Variants in PRTG observed in about 807,000 individuals in gnomAD.
The protein encoded by PRTG is immunoglobulin superfamily, DCC subclass, member 5.
Under a neutral mutation model 122.5 loss-of-function variants are expected in PRTG, and 67 were observed. The observed-to-expected ratio is 0.55, with a 90% CI of 0.45 to 0.67. The LOEUF (loss-of-function observed/expected upper bound fraction) is 0.67. Among genes scored for constraint, PRTG ranks in the 30% least tolerant of loss-of-function variants. The pLI, the probability that PRTG is intolerant of heterozygous loss-of-function variation, is 0.00. For missense variants in PRTG, 1,435 were observed against 1,415.4 expected (o/e 1.01, Z -0.22); for synonymous variants, 554 against 501.1 (o/e 1.11, Z -1.41).
intron 2 of PRTG, among the ~76,000 whole-genome samples, chr15:55,717,366 G>C (rs2030637784): frequency 6.6e-6 from 1 of 152,184 alleles, no homozygotes; most frequent in Non-Finnish European, 1.5e-5. Context: ...GCCTCAGGAA[G>C]AAAAGGCTTT....
intron 1 of PRTG, chr15:55,742,440 G>A (rs1358554576): frequency 1.6e-5 from 3 of 189,694 alleles, no homozygotes; most frequent in African/African-American, 2.3e-5. Context: ...ATAAAGCCAC[G>A]TGCAGCCGCG....
At chr15:55,721,120 T>C (rs2030806811) in intron 2 of PRTG, among the ~76,000 whole-genome samples, 1 of 152,210 alleles carries the variant, frequency 6.6e-6, no homozygotes, top group Admixed American at 6.5e-5. Context: ...CCTGAACTTT[T>C]CCCTCTCCCT....
At position 55,727,489 on chromosome 15, in the gene PRTG, T is replaced by C. The variant is rs895335572; in HGVS notation, c.397+12893A>G. 3.3e-5 allele frequency among the ~76,000 whole-genome samples: 5 copies of C among 151,992 alleles called. No homozygotes were observed. In the East Asian group the frequency reaches 5.8e-4, roughly 18 times the overall value. On this transcript the variant is annotated intron_variant, in intron 2 of 19. Transcript: ENST00000389286. ...AACAGGCTTATAACAAGTGAAAAGA[T>C]TGAATAAAAAATCTCCCAACAATAG...
intron 3 of PRTG, 117 bp from the exon 4 acceptor site, chr15:55,682,614 G>T (rs1213823614): frequency 1.8e-5 from 7 of 389,804 alleles, no homozygotes; most frequent in African/African-American, 4.4e-5. Context: ...GCCCCGGCTG[G>T]AGTGCAATGG....
At position 55,740,565 on chromosome 15, in the gene PRTG, A is replaced by G; in HGVS notation, c.214T>C (p.Trp72Arg). The change falls in exon 2 of 20, where the codon TGG becomes CGG. Residue 72 changes from tryptophan (W) to arginine (R), a missense_variant. Trp to Arg is a moderately radical substitution (Grantham distance 101). Coordinates refer to ENST00000389286, the MANE Select transcript of PRTG (RefSeq NM_173814.6). ...AHGEVPIKVTWLKNGAKMSEN... is the reference protein window; with the variant it reads ...AHGEVPIKVTRLKNGAKMSEN... Reference sequence around the variant, plus strand: ...GACATTTTTGCTCCATTTTTCAACCATGTGACCTTAATAGGAACTTCTCCG... The same window carrying G: ...GACATTTTTGCTCCATTTTTCAACCGTGTGACCTTAATAGGAACTTCTCCG... 1 of 1,598,494 alleles carries G rather than the reference A, an allele frequency of 6.3e-7. No individual in the cohort carries two copies. The highest frequency in any genetic ancestry group is 8.5e-7 in the Non-Finnish European group (1 of 1,171,610).
In PRTG at chr15:55,743,136, C is replaced by A; in HGVS notation, c.-205G>T. The A allele has an allele frequency of 8.0e-7, 1 of 1,253,270 alleles. No homozygotes were observed. The highest frequency in any genetic ancestry group is 3.1e-5 in the South Asian group (1 of 32,252). The allele number at this position is 1,253,270 out of a possible 1,614,324, so 77.6% of individuals were successfully genotyped here. ...CGCGAGAAGCAAGGGGCCTGAGAGT[C>A]CGGCTGGGGGCGGAGTGAGGCGGCG... On this transcript the variant is annotated 5_prime_UTR_variant, in exon 1 of 20. Transcript: ENST00000389286.
chr15:55,707,684 T>C (rs1427804082), intron 2 of PRTG, among the ~76,000 whole-genome samples: 1 of 152,202 alleles, frequency 6.6e-6, no homozygotes, highest in African/African-American at 2.4e-5. Flanking sequence ...TCATATTTCA[T>C]CGGCTGTCAA....
chr15:55,646,349 G>A (rs541412632), intron 11 of PRTG, among the ~76,000 whole-genome samples: 270 of 144,856 alleles, frequency 1.9e-3, no homozygotes, highest in African/African-American at 6.6e-3. Flanking sequence ...TTAGGACGGA[G>A]TCTTGCTCTG....
intron 15 of PRTG, among the ~76,000 whole-genome samples, chr15:55,631,627 C>A (rs1273692405): frequency 6.6e-6 from 1 of 152,104 alleles, no homozygotes; most frequent in Non-Finnish European, 1.5e-5. Context: ...CCGTCTCCTG[C>A]CTTTTATATG....
Position 55,639,589 on chromosome 15 carries a change from T to C in PRTG, c.2324+53A>G, listed in dbSNP as rs1256777382. 6 of 1,477,184 alleles carry C rather than the reference T, an allele frequency of 4.1e-6. No homozygotes were observed. The East Asian group carries it at 1.1e-4, about 28-fold the overall frequency. The allele number at this position is 1,477,184 out of a possible 1,614,324, so 91.5% of individuals were successfully genotyped here. A position where few individuals can be genotyped will look rare whatever the true frequency, so the allele number is the denominator to read the frequency against. On this transcript the variant is annotated intron_variant, in intron 13 of 19. Transcript: ENST00000389286. ...AGATGGTAAGAGGTAGAAGTTGGAG[T>C]GGGGGTGTGGTGAGGTAAGCAAAGA...
intron 11 of PRTG, 53 bp downstream of exon 11, chr15:55,672,392 C>T: frequency 1.4e-6 from 2 of 1,429,194 alleles, no homozygotes; most frequent in Non-Finnish European, 1.9e-6. Context: ...ACTTTTTTCG[C>T]AGTTTGTCAG....
At chr15:55,634,813 G>A (rs1390643435) in intron 15 of PRTG, among the ~76,000 whole-genome samples, 4 of 151,946 alleles carry the variant, frequency 2.6e-5, no homozygotes, top group African/African-American at 9.7e-5. Flanking sequence ...ACTCCAGCCT[G>A]GGCAACAGAG....
intron 2 of PRTG, among the ~76,000 whole-genome samples, chr15:55,737,340 T>C (rs182822334): frequency 5.3e-4 from 81 of 152,332 alleles, no homozygotes; most frequent in African/African-American, 1.9e-3. Context: ...ATACTTTCTT[T>C]TAAAAATGGG....
chr15:55,654,511 T>C (rs1290723996), intron 11 of PRTG, among the ~76,000 whole-genome samples: 1 of 152,172 alleles, frequency 6.6e-6, no homozygotes, highest in East Asian at 1.9e-4. Context: ...ACAAAGGAAG[T>C]TTAAAGTTGT....
chr15:55,634,838 CA>C (rs879327163), intron 15 of PRTG, among the ~76,000 whole-genome samples: 169 of 135,422 alleles, frequency 1.2e-3, no homozygotes, highest in Middle Eastern at 3.7e-3. Context: ...ACTCCGTCTC[CA>C]AAAAAAAAAA....
intron 2 of PRTG, among the ~76,000 whole-genome samples, chr15:55,687,829 G>C (rs1595652141): frequency 1.3e-5 from 2 of 152,190 alleles, no homozygotes; most frequent in African/African-American, 4.8e-5. Flanking sequence ...TACCAAGCCA[G>C]ATACTGCTTA....
intron 11 of PRTG, among the ~76,000 whole-genome samples, chr15:55,669,513 A>G (rs1178958585): frequency 2.0e-5 from 3 of 152,170 alleles, no homozygotes; most frequent in Non-Finnish European, 4.4e-5. Context: ...TCCCCTCCCA[A>G]TATTCGAAAG....
intron 2 of PRTG, among the ~76,000 whole-genome samples, chr15:55,737,810 G>A (rs2031457015): frequency 6.6e-6 from 1 of 151,602 alleles, no homozygotes; most frequent in Non-Finnish European, 1.5e-5. Flanking sequence ...TAGATTTCCA[G>A]GTGCTGTACT....
intron 2 of PRTG, among the ~76,000 whole-genome samples, chr15:55,730,313 G>C (rs1210968128): frequency 8.5e-5 from 13 of 152,142 alleles, no homozygotes; most frequent in East Asian, 1.9e-4. Context: ...CGTTTGCCAG[G>C]CTGGTCTTGA....
Sources: allele counts gnomAD v4.1 joint callset (sites outside exome capture counted in the v4.1 genomes callset), GRCh38; gene constraint gnomAD v4.1.1; transcripts MANE v1.5; gene names NCBI Gene and HGNC (gene_info 2026-07-23, HGNC 2026-07-21).